Variants in EMG1 observed in about 807,000 individuals in gnomAD.
EMG1 encodes the protein EMG1 N1-specific pseudouridine methyltransferase.
A neutral mutation model predicts 26.9 loss-of-function variants in EMG1; 24 were observed. That is an observed-to-expected ratio of 0.89 (90% CI 0.65 to 1.26). The LOEUF is 1.26. Among genes scored for constraint, EMG1 ranks in the 50% most tolerant of loss-of-function variants. The pLI, the probability that EMG1 is intolerant of heterozygous loss-of-function variation, is 0.00. For missense variants in EMG1, 299 were observed against 307.6 expected, an observed-to-expected ratio of 0.97 and a Z score of 0.21; for synonymous variants, 140 against 112.6, an observed-to-expected ratio of 1.24 and a Z score of -1.54.
chr12:6,990,849 G>A (rs1946582634), downstream of EMG1, among the ~76,000 whole-genome samples: 4 of 150,340 alleles, frequency 2.7e-5, no homozygotes, highest in South Asian at 8.4e-4. Context: ...CCCAGGAGGT[G>A]GGGGTTGTAG....
chr12:6,977,785 G>A lies in EMG1; in HGVS notation c.*1976G>A, dbSNP rs1317816003. The A allele has an allele frequency of 1.9e-6, 3 of 1,611,726 alleles. No homozygotes were observed. Among genetic ancestry groups the A allele is most frequent in the African/African-American group, 2.7e-5 (2 of 74,898 alleles). ...GGGTGGGGCGACCCTCAAACTGACT[G>A]GTCCTTGCATCCCGCCACCTGCCTC... On this transcript the variant is annotated 3_prime_UTR_variant, in exon 6 of 6. Transcript: ENST00000599672. The surrounding 1 kb of genome is among the most constrained non-coding windows in gnomAD (Gnocchi z 4.5).
At chr12:6,982,724 T>C, downstream of EMG1, 1 of 1,614,040 alleles carries the variant, frequency 6.2e-7, no homozygotes, top group Non-Finnish European at 8.5e-7. Flanking sequence ...TGCGGCCCAT[T>C]AGTCGAAGGA....
At chr12:6,975,462 C>A in intron 5 of EMG1, 84 bp downstream of exon 5, 1 of 1,387,856 alleles carries the variant, frequency 7.2e-7, no homozygotes, top group Non-Finnish European at 9.8e-7. Flanking sequence ...TTTAACAATG[C>A]TTACAATGAG....
intron 7 of EMG1, among the ~76,000 whole-genome samples, chr12:6,995,347 G>A (rs1946627760): frequency 6.6e-6 from 1 of 151,974 alleles, no homozygotes; most frequent in Admixed American, 6.6e-5. Context: ...GGTGGTGCAT[G>A]CCTGTAATCC....
At position 6,978,989 on chromosome 12, in the gene EMG1, C is replaced by A. The variant is rs1786537301; in HGVS notation, c.*3180C>A. ...GAATGAGCATTTGGAATGTTAAGTA[C>A]AGAGGGGCCCATATTGGATTTTAAT... On this transcript the variant is annotated 3_prime_UTR_variant, in exon 6 of 6. Coordinates refer to ENST00000599672, the MANE Select transcript of EMG1 (RefSeq NM_006331.8). 2.7e-6 allele frequency: 1 copy of A among 369,452 alleles called. No homozygotes were observed. The highest frequency in any genetic ancestry group is 4.4e-5 in the Admixed American group (1 of 22,898). The allele number at this position is 369,452 out of a possible 1,614,324, so 22.9% of individuals were successfully genotyped here.
chr12:6,974,093 C>T (rs118067547), intron 1 of EMG1, among the ~76,000 whole-genome samples: 6,608 of 152,308 alleles, frequency 0.043, 253 homozygotes, highest in Non-Finnish European at 0.062. Flanking sequence ...TGTGCCCTTC[C>T]TCCTGTTTCC....
At chr12:6,973,156 A>T (rs1946352908) in intron 1 of EMG1, among the ~76,000 whole-genome samples, 1 of 151,826 alleles carries the variant, frequency 6.6e-6, no homozygotes, top group African/African-American at 2.4e-5. Flanking sequence ...TCTTGATTCC[A>T]TCTGTACCTT....
exon 8 of EMG1, chr12:6,988,242 A>G (rs186967422): frequency 6.4e-6 from 1 of 157,010 alleles, no homozygotes; most frequent in African/African-American, 2.4e-5. Flanking sequence ...ACATGAGAAG[A>G]AGGCGGAGGA....
At position 6,978,901 on chromosome 12, in the gene EMG1, G is replaced by C. The variant is rs933659350; in HGVS notation, c.*3092G>C. The C allele has an allele frequency of 2.8e-5, 18 of 631,966 alleles. No individual in the cohort carries two copies. Among genetic ancestry groups the C allele is most frequent in the Non-Finnish European group, 4.8e-5 (18 of 377,374 alleles). 39.1% of individuals were successfully genotyped at this position (631,966 alleles called of 1,614,324 possible). On this transcript the variant is annotated 3_prime_UTR_variant, in exon 6 of 6. Transcript: ENST00000599672. ...AATATTCATTCGCCTTTCCCTTGGA[G>C]AGCCTCAAGGGCAGCACTGTATTTA...
At chr12:6,974,735 G>A (rs1555152848) in intron 3 of EMG1, 42 bp downstream of exon 3, 7 of 1,607,196 alleles carry the variant, frequency 4.4e-6, no homozygotes, top group Middle Eastern at 1.7e-4. Flanking sequence ...CTTGTCAGTA[G>A]GGAAGAAGGG....
downstream of EMG1, among the ~76,000 whole-genome samples, chr12:6,992,021 G>A (rs1002742793): frequency 6.6e-5 from 10 of 151,738 alleles, no homozygotes; most frequent in Non-Finnish European, 1.2e-4. Context: ...GCGAAACCCC[G>A]TCTCTACTAA....
In EMG1 at chr12:6,978,621, G is replaced by T; in HGVS notation, c.*2812G>T. 6.2e-7 allele frequency: 1 copy of T among 1,614,192 alleles called. No individual in the cohort carries two copies. The highest frequency in any genetic ancestry group is 1.1e-5 in the South Asian group (1 of 91,070). On this transcript the variant is annotated 3_prime_UTR_variant, in exon 6 of 6. Coordinates refer to ENST00000599672, the MANE Select transcript of EMG1 (RefSeq NM_006331.8). The stretch of plus-strand genomic sequence containing the variant: ...TACTTACTGTGACCAGCCAACAGGT[G>T]ACATATTTGTACAGCACAAACTTGC...
downstream of EMG1, among the ~76,000 whole-genome samples, chr12:6,990,566 T>TAAA (rs1555155377): frequency 1.3e-3 from 157 of 117,200 alleles, no homozygotes; most frequent in East Asian, 1.9e-3. Context: ...AATAAATAAA[T>TAAA]TGAGCACCCC....
Position 6,970,982 on chromosome 12 carries a change from A to G in EMG1, c.59A>G (p.Gln20Arg), listed in dbSNP as rs782150637. ...PRERSGGEQA[Q>R]DWDALPPKRP... Reference sequence around the variant, plus strand: ...GAACGAAGCGGTGGGGAGCAGGCACAGGACTGGGATGCTCTGCCACCCAAG... The same window carrying G: ...GAACGAAGCGGTGGGGAGCAGGCACGGGACTGGGATGCTCTGCCACCCAAG... Residue 20 changes from glutamine to arginine, a missense_variant, in exon 1 of 6, where the codon CAG becomes CGG. Coordinates refer to ENST00000599672, the MANE Select transcript of EMG1 (RefSeq NM_006331.8). 15 of 1,612,652 alleles carry G rather than the reference A, an allele frequency of 9.3e-6. No individual in the cohort carries two copies. In the South Asian group the frequency reaches 1.2e-4, roughly 13 times the overall value.
Position 6,979,188 on chromosome 12 carries a change from A to T in EMG1, c.*3379A>T, listed in dbSNP as rs2138329494. The T allele has an allele frequency of 2.1e-6, 1 of 475,666 alleles. No homozygotes were observed. Among genetic ancestry groups the T allele is most frequent in the East Asian group, 3.8e-5 (1 of 26,594 alleles). The allele number at this position is 475,666 out of a possible 1,614,324, so 29.5% of individuals were successfully genotyped here. ...GAGAATCAGAAGCTGCTGTGCTCTG[A>T]GGGGTCACGTGGATGTGATAAGGCA... On this transcript the variant is annotated 3_prime_UTR_variant, in exon 6 of 6. Coordinates refer to ENST00000599672, the MANE Select transcript of EMG1 (RefSeq NM_006331.8).
rs1565597112 is a variant in EMG1, at chr12:6,979,202, T to C, written c.*3393T>C. ...GCTGTGCTCTGAGGGGTCACGTGGA[T>C]GTGATAAGGCAAGCTAGGAGCGGCT... On this transcript the variant is annotated 3_prime_UTR_variant, in exon 6 of 6. Transcript: ENST00000599672. The C allele has an allele frequency of 4.1e-6, 2 of 493,328 alleles. No individual in the cohort carries two copies. The highest frequency in any genetic ancestry group is 7.3e-6 in the Non-Finnish European group (2 of 275,432). 30.6% of individuals were successfully genotyped at this position (493,328 alleles called of 1,614,324 possible).
Position 6,975,157 on chromosome 12 carries a change from T to C in EMG1, c.471+9T>C, listed in dbSNP as rs368451177. 1 of 1,613,938 alleles carries C rather than the reference T, an allele frequency of 6.2e-7. No individual in the cohort carries two copies. The highest frequency in any genetic ancestry group is 1.3e-5 in the African/African-American group (1 of 74,940). On this transcript the variant is annotated intron_variant, in intron 4 of 5. Coordinates refer to ENST00000599672, the MANE Select transcript of EMG1 (RefSeq NM_006331.8). ...CCCAGAAGCTTTTGAAGGTGAGGTA[T>C]TGAAACCTGTTAGTTGAAGGCTGGT...
chr12:6,976,033 G>A lies in EMG1; in HGVS notation c.*224G>A, dbSNP rs184921606. The A allele has an allele frequency of 1.5e-5, 7 of 460,586 alleles. No homozygotes were observed. In the East Asian group the frequency reaches 2.1e-4, roughly 14 times the overall value. 28.5% of individuals were successfully genotyped at this position (460,586 alleles called of 1,614,324 possible). A position where few individuals can be genotyped will look rare whatever the true frequency, so the allele number is the denominator to read the frequency against. Reference sequence around the variant, plus strand: ...AGTGGTGTAAAACTGTTTGTTCCCCGGGACTTCAGGGACAGATAGGAGGTT... The same window carrying A: ...AGTGGTGTAAAACTGTTTGTTCCCCAGGACTTCAGGGACAGATAGGAGGTT... On this transcript the variant is annotated 3_prime_UTR_variant, in exon 6 of 6. Coordinates refer to ENST00000599672, the MANE Select transcript of EMG1 (RefSeq NM_006331.8).
intron 1 of EMG1, among the ~76,000 whole-genome samples, chr12:6,972,517 G>A (rs1946345204): frequency 6.6e-6 from 1 of 152,144 alleles, no homozygotes; most frequent in Admixed American, 6.5e-5. Context: ...ATAACAGTTT[G>A]TTTTTAGACT....
Sources: allele counts gnomAD v4.1 joint callset (sites outside exome capture counted in the v4.1 genomes callset), GRCh38; gene constraint gnomAD v4.1.1; non-coding constraint Gnocchi (gnomAD v3.1); transcripts MANE v1.5; gene names NCBI Gene and HGNC (gene_info 2026-07-23, HGNC 2026-07-21).